Variants in SULT2B1 observed in about 807,000 individuals in gnomAD.
The protein encoded by SULT2B1 is sulfotransferase family 2B member 1.
SULT2B1 carries 16 observed loss-of-function variants against 33.2 expected under a neutral mutation model. The observed-to-expected ratio is 0.48, with a 90% CI of 0.33 to 0.73. The LOEUF (loss-of-function observed/expected upper bound fraction) is 0.73, where lower values mean the gene tolerates loss of function less well. Among genes scored for constraint, SULT2B1 ranks in the 30% least tolerant of loss-of-function variants. SULT2B1 has a pLI of 0.02. For synonymous variants in SULT2B1, 186 were observed against 200.5 expected, an observed-to-expected ratio of 0.93 and a Z score of 0.61; for missense variants, 500 against 506.0, an observed-to-expected ratio of 0.99 and a Z score of 0.11.
At chr19:48,561,324 G>A (rs1004766755) in intron 1 of SULT2B1, among the ~76,000 whole-genome samples, 1 of 151,744 alleles carries the variant, frequency 6.6e-6, no homozygotes, top group Admixed American at 6.6e-5. Context: ...GCTACTCTGC[G>A]AGGCTGAGGC....
chr19:48,586,877 G>A (rs534150596), intron 2 of SULT2B1, among the ~76,000 whole-genome samples: 9 of 152,110 alleles, frequency 5.9e-5, no homozygotes, highest in Non-Finnish European at 1.3e-4. Context: ...TTGGGAGGCC[G>A]AGGTGGGCAG....
intron 1 of SULT2B1, 105 bp from the exon 2 acceptor site, chr19:48,575,836 C>G: frequency 6.5e-7 from 1 of 1,527,044 alleles, no homozygotes; most frequent in South Asian, 1.3e-5. Flanking sequence ...GGGACTGAGG[C>G]TCTGAGGAGG....
At chr19:48,556,314 G>A (rs1045662412) in intron 1 of SULT2B1, among the ~76,000 whole-genome samples, 3 of 152,156 alleles carry the variant, frequency 2.0e-5, no homozygotes, top group African/African-American at 7.2e-5. Flanking sequence ...TTCGTGGATA[G>A]GAAATGAATG....
chr19:48,591,715 G>A lies in SULT2B1; in HGVS notation c.530G>A (p.Arg177Lys), dbSNP rs1269643469. ...KDPGTPDQFL[R>K]DFLKGEVQFG... ...CCGGGCACACCCGACCAGTTCCTGA[G>A]GGACTTCCTCAAAGGCGAAGGTGGG... The change falls in exon 4 of 7, where the codon AGG becomes AAG. Residue 177 changes from arginine to lysine, a missense_variant. Transcript: ENST00000201586. 1.9e-6 allele frequency: 3 copies of A among 1,606,346 alleles called. No individual in the cohort carries two copies. Among genetic ancestry groups the A allele is most frequent in the South Asian group, 2.2e-5 (2 of 89,990 alleles).
chr19:48,595,668 G>GC (rs1973702666), intron 5 of SULT2B1: 1 of 20,070 alleles, frequency 5.0e-5, no homozygotes. Flanking sequence ...TTTTTTTGTT[G>GC]TTTTTTTTTT....
intron 1 of SULT2B1, among the ~76,000 whole-genome samples, chr19:48,566,651 G>T (rs948837089): frequency 4.6e-5 from 7 of 152,030 alleles, no homozygotes; most frequent in African/African-American, 1.7e-4. Flanking sequence ...AGACCAGCCT[G>T]GGCAACATGG....
chr19:48,574,956 CCT>C (rs1302829276), intron 1 of SULT2B1, among the ~76,000 whole-genome samples: 1 of 152,118 alleles, frequency 6.6e-6, no homozygotes, highest in African/African-American at 2.4e-5. Context: ...TTATTGAAGG[CCT>C]ACTGTGTGCG....
At chr19:48,577,320 G>A in intron 2 of SULT2B1, among the ~76,000 whole-genome samples, 1 of 122,666 alleles carries the variant, frequency 8.2e-6, no homozygotes, top group African/African-American at 3.0e-5. Flanking sequence ...CTCCCAAAGT[G>A]TTGGGATTAC....
At chr19:48,580,785 C>T (rs767335115) in intron 2 of SULT2B1, among the ~76,000 whole-genome samples, 2 of 151,582 alleles carry the variant, frequency 1.3e-5, no homozygotes, top group Admixed American at 6.6e-5. Flanking sequence ...CCACACCCAG[C>T]TAATTTTTGT....
chr19:48,587,774 T>C (rs1973586287), intron 3 of SULT2B1, among the ~76,000 whole-genome samples: 1 of 151,296 alleles, frequency 6.6e-6, no homozygotes, highest in Non-Finnish European at 1.5e-5. Context: ...ACACTTGTAG[T>C]CCCAGCTACT....
Position 48,552,177 on chromosome 19 carries a change from C to T in SULT2B1, c.-76C>T. On this transcript the variant is annotated 5_prime_UTR_variant, in exon 1 of 7. Coordinates refer to ENST00000201586, the MANE Select transcript of SULT2B1 (RefSeq NM_177973.2). The surrounding 1 kb of genome is among the most constrained non-coding windows in gnomAD (Gnocchi z 4.8). ...TGGCGGGCTCCCCAGGTGGCAGACG[C>T]TGTCGCTGCGCACACCTGGCCTCTG... 6.8e-7 allele frequency: 1 copy of T among 1,465,694 alleles called. No individual in the cohort carries two copies. Among genetic ancestry groups the T allele is most frequent in the Non-Finnish European group, 9.4e-7 (1 of 1,059,184 alleles). The allele number at this position is 1,465,694 out of a possible 1,614,324, so 90.8% of individuals were successfully genotyped here.
At position 48,592,069 on chromosome 19, in the gene SULT2B1, G is replaced by A. The variant is rs1254454611; in HGVS notation, c.550+334G>A. Reference sequence around the variant, plus strand: ...AGCACTTTGGGAGGCTGAGGCAGGCGGATCACAAGGTCAGGAGATTGAGAC... The same window carrying A: ...AGCACTTTGGGAGGCTGAGGCAGGCAGATCACAAGGTCAGGAGATTGAGAC... On this transcript the variant is annotated intron_variant, in intron 4 of 6. Coordinates refer to ENST00000201586, the MANE Select transcript of SULT2B1 (RefSeq NM_177973.2). 5.9e-5 allele frequency among the ~76,000 whole-genome samples: 9 copies of A among 152,136 alleles called. No individual in the cohort carries two copies. The South Asian group carries it at 1.7e-3, about 28-fold the overall frequency.
chr19:48,592,238 G>C (rs1410133725), intron 4 of SULT2B1, among the ~76,000 whole-genome samples: 1 of 152,120 alleles, frequency 6.6e-6, no homozygotes, highest in Admixed American at 6.6e-5. Flanking sequence ...CTTGCAGTGA[G>C]CCAAGATCGT....
At chr19:48,589,253 T>G (rs1973611178) in intron 3 of SULT2B1, among the ~76,000 whole-genome samples, 1 of 144,346 alleles carries the variant, frequency 6.9e-6, no homozygotes, top group Admixed American at 7.1e-5. Context: ...AGGGGATGAG[T>G]CAAGGGTGAC....
At chr19:48,594,364 G>A (rs1490551865) in intron 5 of SULT2B1, among the ~76,000 whole-genome samples, 1 of 152,208 alleles carries the variant, frequency 6.6e-6, no homozygotes, top group Non-Finnish European at 1.5e-5. Flanking sequence ...TGTAACTTAA[G>A]AGAGGGTTGA....
At chr19:48,569,306 C>T (rs984136562) in intron 1 of SULT2B1, among the ~76,000 whole-genome samples, 7 of 146,016 alleles carry the variant, frequency 4.8e-5, no homozygotes, top group Non-Finnish European at 1.0e-4. Flanking sequence ...CGCGCCACTG[C>T]ACTCCAGCCT....
chr19:48,562,733 G>A (rs1233265875), intron 1 of SULT2B1, among the ~76,000 whole-genome samples: 3 of 152,096 alleles, frequency 2.0e-5, no homozygotes, highest in Non-Finnish European at 2.9e-5. Flanking sequence ...AATCCAGAGT[G>A]CAGTGGCGCG....
In SULT2B1 at chr19:48,554,461, G is replaced by A. The variant is rs1183546998; in HGVS notation, c.71+2138G>A. Among the ~76,000 whole-genome samples, 4 of 99,814 alleles carry A rather than the reference G, an allele frequency of 4.0e-5. No individual in the cohort carries two copies. The East Asian group carries it at 1.1e-3, about 27-fold the overall frequency. 65.5% of individuals were successfully genotyped at this position (99,814 alleles called of 152,430 possible). On this transcript the variant is annotated intron_variant, in intron 1 of 6. Coordinates refer to ENST00000201586, the MANE Select transcript of SULT2B1 (RefSeq NM_177973.2). ...CCCCACCCCTGTCCCCTGACTCTCT[G>A]CCCTGGTTCTTCCTCTCGGTTGCCA...
chr19:48,553,026 G>A (rs375516648), intron 1 of SULT2B1, among the ~76,000 whole-genome samples: 87 of 152,154 alleles, frequency 5.7e-4, no homozygotes, highest in African/African-American at 1.8e-3. Context: ...TCTGTCTCAC[G>A]CCAGAGCCTG....
Sources: gnomAD v4.1 joint callset for allele counts (sites outside exome capture counted in the v4.1 genomes callset) on GRCh38, gnomAD v4.1.1 for gene constraint, Gnocchi (gnomAD v3.1) non-coding constraint, MANE v1.5 for transcripts, NCBI Gene and HGNC (gene_info 2026-07-23, HGNC 2026-07-21) for gene names.